GABPB1: variants seen among roughly 807,000 people sequenced by gnomAD.
The protein encoded by GABPB1 is GA-binding protein subunit beta-1.
GABPB1 carries 15 observed loss-of-function variants against 45.9 expected under a neutral mutation model. That is an observed-to-expected ratio of 0.33 (90% CI 0.22 to 0.50). The LOEUF (loss-of-function observed/expected upper bound fraction) is 0.50. Ranked by LOEUF, GABPB1 falls within the 20% of genes least tolerant of loss-of-function variation. GABPB1 has a pLI of 0.98. For synonymous variants in GABPB1, 143 were observed against 154.4 expected, an observed-to-expected ratio of 0.93 and a Z score of 0.55; for missense variants, 252 against 457.5, an observed-to-expected ratio of 0.55 and a Z score of 4.10.
chr15:50,304,509 A>G (rs1358250383), intron 2 of GABPB1, among the ~76,000 whole-genome samples: 2 of 152,122 alleles, frequency 1.3e-5, no homozygotes, highest in East Asian at 3.9e-4. Flanking sequence ...TCAGGAATTC[A>G]AGACCACCCT....
chr15:50,298,297 G>A (rs1295315554), intron 6 of GABPB1, among the ~76,000 whole-genome samples: 1 of 152,078 alleles, frequency 6.6e-6, no homozygotes, highest in Non-Finnish European at 1.5e-5. Flanking sequence ...CGTTGTCCAG[G>A]CTGGTTTTGA....
At chr15:50,321,615 T>C (rs552866902) in intron 1 of GABPB1, among the ~76,000 whole-genome samples, 2 of 150,270 alleles carry the variant, frequency 1.3e-5, no homozygotes, top group African/African-American at 4.9e-5. Context: ...GGCAGGAGAA[T>C]CACTTGAACT....
chr15:50,315,877 C>T (rs1363945422), intron 1 of GABPB1, among the ~76,000 whole-genome samples: 3 of 152,122 alleles, frequency 2.0e-5, no homozygotes, highest in Admixed American at 6.5e-5. Flanking sequence ...GAGTTTGAGA[C>T]CAGCCTAGCC....
chr15:50,305,782 G>C (rs757063510), intron 2 of GABPB1, among the ~76,000 whole-genome samples: 1 of 151,678 alleles, frequency 6.6e-6, no homozygotes, highest in South Asian at 2.1e-4. Context: ...ATATATGCAG[G>C]GTTTTTTGTT....
chr15:50,289,417 G>C (rs2046271305), intron 7 of GABPB1, 66 bp downstream of exon 7: 22 of 994,408 alleles, frequency 2.2e-5, no homozygotes, highest in Non-Finnish European at 1.4e-6. Flanking sequence ...CTGCAGGGAA[G>C]ACTTAAAGAA....
chr15:50,312,222 TC>T, intron 1 of GABPB1, among the ~76,000 whole-genome samples: 1 of 148,098 alleles, frequency 6.8e-6, no homozygotes, highest in East Asian at 2.0e-4. Flanking sequence ...AGACTCCATC[TC>T]AAAAAAAAAA....
chr15:50,289,700 A>AT, intron 6 of GABPB1, 32 bp from the exon 7 acceptor site: 1 of 1,541,182 alleles, frequency 6.5e-7, no homozygotes. Flanking sequence ...CTCAGCAAAC[A>AT]TATGTAACGG....
At chr15:50,325,611 A>C (rs971261503) in intron 1 of GABPB1, among the ~76,000 whole-genome samples, 1 of 151,960 alleles carries the variant, frequency 6.6e-6, no homozygotes, top group South Asian at 2.1e-4. Flanking sequence ...GGCTCACTGC[A>C]AGCTCCGCCT....
intron 8 of GABPB1, chr15:50,285,744 T>C (rs2046132192): frequency 1.0e-6 from 1 of 968,742 alleles, no homozygotes; most frequent in Non-Finnish European, 1.3e-6. Flanking sequence ...AGCCAATATA[T>C]ACTGGTATTT....
chr15:50,346,499 T>A (rs1032570267), intron 1 of GABPB1: 1 of 151,956 alleles, frequency 6.6e-6, no homozygotes, highest in African/African-American at 2.4e-5. Context: ...CTGTATCTAG[T>A]GCATACAGGA....
intron 1 of GABPB1, chr15:50,348,966 A>G (rs1047051845): frequency 1.3e-5 from 2 of 152,134 alleles, no homozygotes; most frequent in African/African-American, 4.8e-5. Context: ...ATTGACTTTA[A>G]TTTACCATGC....
rs552203074 is a variant in GABPB1 at position 50,282,560 on chromosome 15, G to GAAAAAAAA, written c.999+3500_999+3507dup. Reference sequence around the variant, plus strand: ...CAAAGTGAGACCCTGCCTTAAAAAAGAAAAAAAAAAAAAAACAGAGACGGA... The same window carrying GAAAAAAAA: ...CAAAGTGAGACCCTGCCTTAAAAAAGAAAAAAAAAAAAAAAAAAAAAAACAGAGACGGA... On this transcript the variant is annotated intron_variant, in intron 8 of 8. Coordinates refer to ENST00000380877, the MANE Select transcript of GABPB1 (RefSeq NM_016654.5). Among the ~76,000 whole-genome samples the GAAAAAAAA allele has an allele frequency of 1.5e-4, 13 of 88,992 alleles. 4 individuals carry two copies. The highest frequency in any genetic ancestry group is 2.3e-4 in the Non-Finnish European group (10 of 42,652). The allele number at this position is 88,992 out of a possible 152,430, so 58.4% of individuals were successfully genotyped here. A position where few individuals can be genotyped will look rare whatever the true frequency, so the allele number is the denominator to read the frequency against.
chr15:50,280,119 C>A (rs2045928392), intron 8 of GABPB1, among the ~76,000 whole-genome samples: 1 of 152,038 alleles, frequency 6.6e-6, no homozygotes, highest in Non-Finnish European at 1.5e-5. Context: ...CATTTGGAGA[C>A]AAAAGATCTC....
intron 6 of GABPB1, among the ~76,000 whole-genome samples, chr15:50,296,222 C>T (rs1182427171): frequency 5.9e-5 from 9 of 152,058 alleles, no homozygotes; most frequent in Non-Finnish European, 1.2e-4. Flanking sequence ...TGTATTGTAC[C>T]ACTTAGCTAG....
rs1490265295 is a variant in GABPB1, at chr15:50,352,727, G to A, written c.-1+2258C>T. ...TGGTATTTTCTAACAATTACACGAA[G>A]AATGACCAGATGCTTCCTGTTGATG... On this transcript the variant is annotated intron_variant, in intron 1 of 8. Transcript: ENST00000380877. 5.9e-5 allele frequency: 9 copies of A among 152,330 alleles called. No individual in the cohort carries two copies. The East Asian group carries it at 1.7e-3, about 29-fold the overall frequency. 9.4% of individuals were successfully genotyped at this position (152,330 alleles called of 1,614,324 possible). A position where few individuals can be genotyped will look rare whatever the true frequency, so the allele number is the denominator to read the frequency against.
intron 1 of GABPB1, among the ~76,000 whole-genome samples, chr15:50,342,580 G>A (rs1390943309): frequency 6.6e-6 from 1 of 152,156 alleles, no homozygotes; most frequent in Non-Finnish European, 1.5e-5. Context: ...TCAGTGTTTT[G>A]TTTAAGTGGG....
chr15:50,302,197 G>A (rs1436045397), intron 4 of GABPB1, among the ~76,000 whole-genome samples: 1 of 152,164 alleles, frequency 6.6e-6, no homozygotes, highest in Non-Finnish European at 1.5e-5. Flanking sequence ...TTTTGAGGAT[G>A]CTGAAAGATA....
intron 1 of GABPB1, among the ~76,000 whole-genome samples, chr15:50,325,767 G>A (rs1006273411): frequency 1.1e-4 from 16 of 152,064 alleles, no homozygotes; most frequent in Non-Finnish European, 2.1e-4. Context: ...TCCTAACCTC[G>A]TGATCTGCCT....
intron 6 of GABPB1, among the ~76,000 whole-genome samples, chr15:50,297,218 CTT>C (rs997091940): frequency 2.5e-5 from 1 of 40,288 alleles, no homozygotes; most frequent in African/African-American, 7.5e-5. Context: ...CCCATTACTT[CTT>C]TTTTTTTTTT....
Sources: gnomAD v4.1 joint callset for allele counts (sites outside exome capture counted in the v4.1 genomes callset) on GRCh38, gnomAD v4.1.1 for gene constraint, MANE v1.5 for transcripts, NCBI Gene and HGNC (gene_info 2026-07-23, HGNC 2026-07-21) for gene names.